The following SLC30A7 variants were observed in gnomAD, a reference collection of about 807,000 sequenced individuals.
SLC30A7 encodes zinc transporter 7.
In SLC30A7, 35 loss-of-function variants were observed where a neutral mutation model predicts 46.0. The ratio of observed to expected loss-of-function variants is 0.76; its 90% CI spans 0.58 to 1.01. The LOEUF (loss-of-function observed/expected upper bound fraction) is 1.01, where lower values mean the gene tolerates loss of function less well. Ranked by LOEUF, SLC30A7 falls within the 50% of genes least tolerant of loss-of-function variation. The pLI is 0.00. For synonymous variants in SLC30A7, 147 were observed against 157.8 expected (o/e 0.93, Z 0.51); for missense variants, 464 against 451.1 (o/e 1.03, Z -0.26).
At chr1:100,972,982 C>T (rs967955395) in intron 10 of SLC30A7, among the ~76,000 whole-genome samples, 1 of 151,030 alleles carries the variant, frequency 6.6e-6, no homozygotes, top group African/African-American at 2.4e-5. Flanking sequence ...TCTGCCACAT[C>T]ATCTTAACTG....
chr1:100,963,768 A>G (rs564041493), intron 9 of SLC30A7, among the ~76,000 whole-genome samples: 1 of 152,186 alleles, frequency 6.6e-6, no homozygotes, highest in Non-Finnish European at 1.5e-5. Context: ...AAATAGTCAC[A>G]TATGTCTAGT....
chr1:100,907,641 C>T (rs1204716292), intron 3 of SLC30A7, among the ~76,000 whole-genome samples: 1 of 151,950 alleles, frequency 6.6e-6, no homozygotes, highest in Non-Finnish European at 1.5e-5. Flanking sequence ...TCTTCCCCAC[C>T]CCTTTGTCTT....
chr1:100,906,304 G>A (rs1415028208), intron 2 of SLC30A7, among the ~76,000 whole-genome samples: 1 of 152,110 alleles, frequency 6.6e-6, no homozygotes, highest in Non-Finnish European at 1.5e-5. Flanking sequence ...GGTGGGGAGG[G>A]TGGGACTAGG....
chr1:100,947,003 G>A (rs61780320), intron 8 of SLC30A7, among the ~76,000 whole-genome samples: 1 of 152,044 alleles, frequency 6.6e-6, no homozygotes, highest in Non-Finnish European at 1.5e-5. Flanking sequence ...CTTCTTCCTC[G>A]TTTAGTCTTG....
chr1:100,906,772 G>A, intron 2 of SLC30A7, 80 bp from the exon 3 acceptor site: 2 of 913,924 alleles, frequency 2.2e-6, no homozygotes, highest in African/African-American at 1.6e-5. Context: ...ATGAACAAAG[G>A]CTGAATCTTA....
At chr1:100,961,754 C>A in intron 8 of SLC30A7, 74 bp from the exon 9 acceptor site, 1 of 752,024 alleles carries the variant, frequency 1.3e-6, no homozygotes, top group Non-Finnish European at 2.2e-6. Flanking sequence ...CGTAGGGAGG[C>A]ATATTATTAC....
chr1:100,969,458 T>C (rs751511004), intron 10 of SLC30A7, among the ~76,000 whole-genome samples: 15 of 152,186 alleles, frequency 9.9e-5, no homozygotes, highest in Non-Finnish European at 1.2e-4. Context: ...ATTTGCCCTC[T>C]GAAAAGGAAT....
chr1:100,939,437 A>G (rs1490530013), intron 8 of SLC30A7, among the ~76,000 whole-genome samples: 3 of 152,182 alleles, frequency 2.0e-5, no homozygotes, highest in East Asian at 1.9e-4. Context: ...AACAACAAAG[A>G]TAACGTAGAG....
downstream of SLC30A7, among the ~76,000 whole-genome samples, chr1:100,984,241 G>C (rs1657144753): frequency 6.6e-6 from 1 of 152,084 alleles, no homozygotes; most frequent in South Asian, 2.1e-4. Flanking sequence ...TTTTCTCTCT[G>C]TACCCCCACC....
chr1:100,951,229 G>A (rs1438287994), intron 8 of SLC30A7, among the ~76,000 whole-genome samples: 1 of 152,178 alleles, frequency 6.6e-6, no homozygotes, highest in Non-Finnish European at 1.5e-5. Flanking sequence ...GGAGGGGTAT[G>A]TCAGGGTACT....
intron 8 of SLC30A7, among the ~76,000 whole-genome samples, chr1:100,951,531 C>G (rs1654950594): frequency 6.6e-6 from 1 of 152,180 alleles, no homozygotes; most frequent in South Asian, 2.1e-4. Flanking sequence ...AGCATTACTT[C>G]CCATAATGCT....
intron 3 of SLC30A7, among the ~76,000 whole-genome samples, chr1:100,909,798 C>A (rs1651964680): frequency 6.6e-6 from 1 of 152,054 alleles, no homozygotes; most frequent in African/African-American, 2.4e-5. Context: ...TGGTAGAAGT[C>A]AAGCACAAAA....
intron 2 of SLC30A7, among the ~76,000 whole-genome samples, chr1:100,898,315 T>C (rs928557812): frequency 6.6e-6 from 1 of 152,206 alleles, no homozygotes; most frequent in Non-Finnish European, 1.5e-5. Context: ...ATAGTAACTC[T>C]TTTGATCTGT....
intron 4 of SLC30A7, 64 bp from the exon 5 acceptor site, chr1:100,912,048 A>G (rs1652135476): frequency 2.1e-6 from 3 of 1,441,054 alleles, no homozygotes; most frequent in East Asian, 2.3e-5. Context: ...TTGTCTTATG[A>G]TTTTGTTAGT....
At chr1:100,990,441 A>G in the SLC30A7 span, 10 of 1,613,928 alleles carry the variant, frequency 6.2e-6, no homozygotes, top group South Asian at 8.8e-5. Flanking sequence ...ATTCTGAGCT[A>G]TTTTCTGGTA....
chr1:100,913,792 A>T lies in SLC30A7; in HGVS notation c.641A>T (p.His214Leu), dbSNP rs568204643. ...HSHDHAHGHGHFHSHDGPSLK... is the reference protein window; with the variant it reads ...HSHDHAHGHGLFHSHDGPSLK... The stretch of plus-strand genomic sequence containing the variant: ...CATGATCATGCTCATGGACATGGAC[A>T]CTTTCATTCTCATGGTGAGTACAGC... Residue 214 changes from histidine (H) to leucine (L), a missense_variant, in exon 6 of 11, where the codon CAC becomes CTC. Physicochemically the swap from His to Leu is moderately conservative, Grantham distance 99. Coordinates refer to ENST00000357650, the MANE Select transcript of SLC30A7 (RefSeq NM_133496.5). 6 of 1,613,760 alleles carry T rather than the reference A, an allele frequency of 3.7e-6. No individual in the cohort carries two copies. The South Asian group carries it at 4.4e-5, about 12-fold the overall frequency.
intron 2 of SLC30A7, among the ~76,000 whole-genome samples, chr1:100,898,168 TG>T (rs1227255019): frequency 7.9e-5 from 12 of 152,296 alleles, no homozygotes; most frequent in African/African-American, 2.2e-4. Context: ...AGCTTATATA[TG>T]CATATTTTGC....
intron 10 of SLC30A7, among the ~76,000 whole-genome samples, chr1:100,966,694 A>G (rs1405889609): frequency 6.6e-6 from 1 of 152,212 alleles, no homozygotes; most frequent in African/African-American, 2.4e-5. Context: ...TAGTTCCTAT[A>G]TGCTCATCAT....
the SLC30A7 span, chr1:100,990,568 G>C: frequency 5.6e-6 from 9 of 1,614,076 alleles, no homozygotes; most frequent in Non-Finnish European, 7.6e-6. Flanking sequence ...AGTGCCTGCT[G>C]CAATTTTCTG....
Sources: gnomAD v4.1 joint callset for allele counts (sites outside exome capture counted in the v4.1 genomes callset) on GRCh38, gnomAD v4.1.1 for gene constraint, MANE v1.5 for transcripts, NCBI Gene and HGNC (gene_info 2026-07-23, HGNC 2026-07-21) for gene names.